Variants in KCNN1 observed in about 807,000 individuals in gnomAD.
The protein encoded by KCNN1 is small conductance calcium-activated potassium channel protein 1.
Under a neutral mutation model 44.7 loss-of-function variants are expected in KCNN1, and 20 were observed. The ratio of observed to expected loss-of-function variants is 0.45; its 90% CI spans 0.32 to 0.65. KCNN1 has a LOEUF of 0.65. Ranked by LOEUF, KCNN1 falls within the 30% of genes least tolerant of loss-of-function variation. The pLI, the probability that KCNN1 is intolerant of heterozygous loss-of-function variation, is 0.05. For synonymous variants in KCNN1, 324 were observed against 341.7 expected, an observed-to-expected ratio of 0.95 and a Z score of 0.57; for missense variants, 632 against 785.3, an observed-to-expected ratio of 0.80 and a Z score of 2.33.
At chr19:17,985,116 G>A (rs138220168) in intron 4 of KCNN1, among the ~76,000 whole-genome samples, 196 bp from the exon 5 acceptor site, 9 of 152,120 alleles carry the variant, frequency 5.9e-5, no homozygotes, top group South Asian at 2.1e-4. Flanking sequence ...AAGCAGCTTG[G>A]GGGGGCAGGC....
In KCNN1 at chr19:17,998,977, C is replaced by T. The variant is rs1368094197; in HGVS notation, c.*571C>T. The T allele has an allele frequency of 6.6e-6, 1 of 152,414 alleles. No individual in the cohort carries two copies. Among genetic ancestry groups the T allele is most frequent in the African/African-American group, 2.4e-5 (1 of 41,468 alleles). The allele number at this position is 152,414 out of a possible 1,614,324, so 9.4% of individuals were successfully genotyped here. ...GGCCAGAAGCATCGCTCCCCTTCAA[C>T]CAACCGCGTTGATGGACACCCACTG... is the stretch of plus-strand genomic sequence containing the variant. On this transcript the variant is annotated 3_prime_UTR_variant, in exon 10 of 10. Transcript: ENST00000684775. The surrounding 1 kb of genome is among the most constrained non-coding windows in gnomAD (Gnocchi z 5.4).
chr19:17,965,208 A>T (rs1305692014), upstream of KCNN1, among the ~76,000 whole-genome samples: 2 of 151,160 alleles, frequency 1.3e-5, no homozygotes, highest in East Asian at 3.9e-4. Flanking sequence ...GGAGGTTTAG[A>T]GGTTGCAATG....
chr19:17,962,148 G>A (rs1259869017), upstream of KCNN1, among the ~76,000 whole-genome samples: 2 of 152,208 alleles, frequency 1.3e-5, no homozygotes, highest in Admixed American at 6.5e-5. Context: ...AGGGAGGGGC[G>A]CTCATGTCTG....
At chr19:17,959,978 GAGGCT>G (rs2031640349) in intron 2 of KCNN1, among the ~76,000 whole-genome samples, 1 of 151,988 alleles carries the variant, frequency 6.6e-6, no homozygotes, top group Non-Finnish European at 1.5e-5. Context: ...AGCTACTCAG[GAGGCT>G]GAGACAGGAG....
chr19:17,985,341 A>G lies in KCNN1; in HGVS notation c.947A>G (p.Asn316Ser). ...RYHDKQEVTS[N>S]FLGAMWLISI... ...CACGACAAGCAGGAAGTGACCAGCA[A>G]CTTCCTGGGGGCCATGTGGCTGATT... is the stretch of plus-strand genomic sequence containing the variant. Residue 316 changes from asparagine (N) to serine (S), a missense_variant, in exon 5 of 10, where the codon AAC (asparagine) becomes AGC (serine). Physicochemically the swap from Asn to Ser is conservative, Grantham distance 46. This residue lies in a region of KCNN1 where 160 missense variants were observed against 308.3 expected (regional missense o/e 0.52). Coordinates refer to ENST00000684775, the MANE Select transcript of KCNN1 (RefSeq NM_001386974.1). The G allele has an allele frequency of 6.2e-7, 1 of 1,608,942 alleles. No individual in the cohort carries two copies. Among genetic ancestry groups the G allele is most frequent in the Non-Finnish European group, 8.5e-7 (1 of 1,177,000 alleles).
Position 17,974,210 on chromosome 19 carries a change from G to A in KCNN1, c.322G>A (p.Asp108Asn), listed in dbSNP as rs759749668. The A allele has an allele frequency of 2.5e-6, 4 of 1,612,332 alleles. No individual in the cohort carries two copies. Among genetic ancestry groups the A allele is most frequent in the Non-Finnish European group, 1.7e-6 (2 of 1,179,078 alleles). ...CTTCGAGAAGCGGAAGCGCCTCAGC[G>A]ACTATGCCCTCATTTTCGGCATGTT... ...ALFEKRKRLS[D>N]YALIFGMFGI... Residue 108 changes from aspartate to asparagine, a missense_variant, in exon 2 of 10, where the codon GAC (aspartate) becomes AAC (asparagine). Coordinates refer to ENST00000684775, the MANE Select transcript of KCNN1 (RefSeq NM_001386974.1). The surrounding 1 kb of genome is among the most constrained non-coding windows in gnomAD (Gnocchi z 7.3).
At chr19:17,979,634 G>C (rs1010823466) in intron 3 of KCNN1, among the ~76,000 whole-genome samples, 28 of 151,748 alleles carry the variant, frequency 1.8e-4, no homozygotes, top group African/African-American at 6.5e-4. Flanking sequence ...ATGTATCTTG[G>C]CGCTCCCCTC....
chr19:17,959,056 C>T (rs963737851), intron 2 of KCNN1, among the ~76,000 whole-genome samples: 2 of 151,690 alleles, frequency 1.3e-5, no homozygotes, highest in Non-Finnish European at 2.9e-5. Flanking sequence ...CTTGCTCTGT[C>T]GCCCAGGCTG....
chr19:17,959,002 AT>A (rs986443710), intron 2 of KCNN1, among the ~76,000 whole-genome samples: 1 of 85,384 alleles, frequency 1.2e-5, no homozygotes, highest in African/African-American at 5.2e-5. Flanking sequence ...GTCCAGCCCT[AT>A]TTATTTATTT....
At chr19:17,981,666 G>A (rs772325739) in intron 3 of KCNN1, 43 bp from the exon 4 acceptor site, 4 of 1,524,532 alleles carry the variant, frequency 2.6e-6, no homozygotes, top group Middle Eastern at 1.8e-4. Context: ...GGAGCGCGGC[G>A]CGTGTCTGAC....
chr19:17,989,362 G>A (rs2032710465), intron 6 of KCNN1, among the ~76,000 whole-genome samples: 2 of 152,144 alleles, frequency 1.3e-5, no homozygotes, highest in Non-Finnish European at 2.9e-5. Flanking sequence ...GGAGAGTGAG[G>A]CAGAAGAATC....
At position 17,993,709 on chromosome 19, in the gene KCNN1, G is replaced by T; in HGVS notation, c.1377+150G>T. ...GGATCGCTTGAGCTCAGGAGTTTGA[G>T]ACCAGCCTGGGCAACATGGTGAAAT... On this transcript the variant is annotated intron_variant, in intron 9 of 9. Transcript: ENST00000684775. The surrounding 1 kb of genome is among the most constrained non-coding windows in gnomAD (Gnocchi z 4.5). 1.5e-6 allele frequency: 1 copy of T among 672,724 alleles called. No homozygotes were observed. Among genetic ancestry groups the T allele is most frequent in the South Asian group, 1.7e-5 (1 of 59,626 alleles). 41.7% of individuals were successfully genotyped at this position (672,724 alleles called of 1,614,324 possible). A position where few individuals can be genotyped will look rare whatever the true frequency, so the allele number is the denominator to read the frequency against.
Position 17,993,606 on chromosome 19 carries a change from CG to C in KCNN1, c.1377+49del, listed in dbSNP as rs2032878200. 1 of 1,475,402 alleles carries C rather than the reference CG, an allele frequency of 6.8e-7. No homozygotes were observed. The highest frequency in any genetic ancestry group is 1.1e-5 in the South Asian group (1 of 87,196). 91.4% of individuals were successfully genotyped at this position (1,475,402 alleles called of 1,614,324 possible). On this transcript the variant is annotated intron_variant, in intron 9 of 9. Coordinates refer to ENST00000684775, the MANE Select transcript of KCNN1 (RefSeq NM_001386974.1). The surrounding 1 kb of genome is among the most constrained non-coding windows in gnomAD (Gnocchi z 4.5). ...GGGCCAGACAGGGCAGGTGGGGCCC[CG>C]GAGCAGATGGGATGGGGCTCAGCTC...
Position 17,982,119 on chromosome 19 carries a change from C to T in KCNN1, c.909C>T (p.Val303=), listed in dbSNP as rs772988988. The change falls in exon 4 of 10, where the codon GTC becomes GTT. Residue 303 remains valine (V), a synonymous_variant. Transcript: ENST00000684775. ...TCATCGCAGCCTGGACCGTGCGCGT[C>T]TGCGAGAGGTGCGACCGCCGCCCCT... ...SWIIAAWTVR[V]CERYHDKQEV... 7.0e-6 allele frequency: 11 copies of T among 1,562,452 alleles called. No individual in the cohort carries two copies. The highest frequency in any genetic ancestry group is 9.5e-6 in the Non-Finnish European group (11 of 1,154,670).
At chr19:17,982,445 C>A (rs1017435821) in intron 4 of KCNN1, 3 of 621,564 alleles carry the variant, frequency 4.8e-6, no homozygotes, top group Admixed American at 6.3e-5. Flanking sequence ...GGCTGACTCC[C>A]GATCTCTGGC....
rs763266439 is a variant in KCNN1, at chr19:17,974,339, G to A, written c.402+49G>A. 155 of 1,500,154 alleles carry A rather than the reference G, an allele frequency of 1.0e-4. No individual in the cohort carries two copies. The highest frequency in any genetic ancestry group is 7.0e-5 in the African/African-American group (5 of 71,092). 92.9% of individuals were successfully genotyped at this position (1,500,154 alleles called of 1,614,324 possible). On this transcript the variant is annotated intron_variant, in intron 2 of 9. Transcript: ENST00000684775. The surrounding 1 kb of genome is among the most constrained non-coding windows in gnomAD (Gnocchi z 7.3). ...ACTCCAGGGAGGTTCCACCAAGCCC[G>A]CCTAGCTTTCTTGACATGGGGTTGG...
At chr19:17,992,681 G>A (rs2032835727) in intron 7 of KCNN1, among the ~76,000 whole-genome samples, 1 of 152,200 alleles carries the variant, frequency 6.6e-6, no homozygotes, top group Non-Finnish European at 1.5e-5. Context: ...CAGAGACCAG[G>A]GTCACCAGTG....
At chr19:17,976,388 G>A (rs1202810354) in intron 3 of KCNN1, among the ~76,000 whole-genome samples, 3 of 151,936 alleles carry the variant, frequency 2.0e-5, no homozygotes, top group Middle Eastern at 3.4e-3. Flanking sequence ...TAAATAAAAT[G>A]TAGTGCACCT....
chr19:17,996,723 G>A (rs1325318434), intron 9 of KCNN1, among the ~76,000 whole-genome samples: 2 of 152,234 alleles, frequency 1.3e-5, no homozygotes, highest in African/African-American at 4.8e-5. Context: ...GGACTGTGGT[G>A]CCTGAGAGAG....
Sources: gnomAD v4.1 joint callset for allele counts (sites outside exome capture counted in the v4.1 genomes callset) on GRCh38, gnomAD v4.1.1 for gene constraint, gnomAD v4.1.1 regional missense constraint, Gnocchi (gnomAD v3.1) non-coding constraint, MANE v1.5 for transcripts, NCBI Gene and HGNC (gene_info 2026-07-23, HGNC 2026-07-21) for gene names.